Variants in SHANK2 observed in about 807,000 individuals in gnomAD.
SHANK2 encodes SH3 and multiple ankyrin repeat domains protein 2.
SHANK2 carries 43 observed loss-of-function variants against 133.7 expected under a neutral mutation model. That is an observed-to-expected ratio of 0.32 (90% CI 0.25 to 0.41). The LOEUF (loss-of-function observed/expected upper bound fraction) is 0.41, where lower values mean the gene tolerates loss of function less well. Among genes scored for constraint, SHANK2 ranks in the 10% least tolerant of loss-of-function variants. The pLI, the probability that SHANK2 is intolerant of heterozygous loss-of-function variation, is 1.00. For synonymous variants in SHANK2, 1,017 were observed against 952.8 expected (o/e 1.07, Z -1.24); for missense variants, 1,994 against 2,235.8 (o/e 0.89, Z 2.18).
intron 17 of SHANK2, among the ~76,000 whole-genome samples, chr11:70,630,515 G>T (rs1432688141): frequency 2.0e-5 from 3 of 152,224 alleles, no homozygotes; most frequent in Admixed American, 6.5e-5. Context: ...CTCAGAGTGT[G>T]ACCTTCTTTG....
intron 10 of SHANK2, among the ~76,000 whole-genome samples, chr11:70,904,527 TA>T (rs1420757816): frequency 8.6e-5 from 11 of 128,164 alleles, no homozygotes; most frequent in African/African-American, 2.1e-4. Context: ...TTTTTTTTTT[TA>T]ATGGAGTCTA....
chr11:70,530,645 A>T (rs1465521427), intron 17 of SHANK2, among the ~76,000 whole-genome samples: 1 of 152,180 alleles, frequency 6.6e-6, no homozygotes, highest in Non-Finnish European at 1.5e-5. Context: ...AAGGACTAAT[A>T]CTGTGTGATT....
At chr11:71,189,221 C>T (rs1392785182) in intron 2 of SHANK2, among the ~76,000 whole-genome samples, 3 of 152,240 alleles carry the variant, frequency 2.0e-5, no homozygotes, top group Admixed American at 6.5e-5. Flanking sequence ...GTGTGTGATT[C>T]CCCCAGGGGC....
intron 2 of SHANK2, among the ~76,000 whole-genome samples, chr11:71,199,892 G>A (rs1591013125): frequency 1.3e-5 from 2 of 152,178 alleles, no homozygotes; most frequent in South Asian, 2.1e-4. Context: ...ATCCCCTCTG[G>A]CAAAGAGAAT....
chr11:70,773,702 A>T (rs1389474611), intron 14 of SHANK2, among the ~76,000 whole-genome samples: 2 of 152,204 alleles, frequency 1.3e-5, no homozygotes, highest in African/African-American at 2.4e-5. Flanking sequence ...TGCACAAATA[A>T]CCAATAAACA....
intron 11 of SHANK2, among the ~76,000 whole-genome samples, chr11:70,852,474 T>C (rs1555065839): frequency 6.6e-6 from 1 of 152,008 alleles, no homozygotes; most frequent in African/African-American, 2.4e-5. Flanking sequence ...GGGCTGGCTG[T>C]CCATTTCCAG....
intron 16 of SHANK2, among the ~76,000 whole-genome samples, chr11:70,660,551 C>T (rs1379490791): frequency 6.6e-6 from 1 of 152,184 alleles, no homozygotes; most frequent in Non-Finnish European, 1.5e-5. Flanking sequence ...CCACTACTGC[C>T]CAGCACAGTG....
chr11:70,896,916 G>A (rs1949944493), intron 10 of SHANK2, among the ~76,000 whole-genome samples: 1 of 152,164 alleles, frequency 6.6e-6, no homozygotes, highest in African/African-American at 2.4e-5. Flanking sequence ...TACCCACGGG[G>A]CTTGATTGGT....
chr11:70,741,677 A>C (rs1003419206), intron 14 of SHANK2, among the ~76,000 whole-genome samples: 1 of 152,088 alleles, frequency 6.6e-6, no homozygotes, highest in Admixed American at 6.5e-5. Context: ...GCCTCACCAT[A>C]ACTTAAGTGG....
intron 12 of SHANK2, among the ~76,000 whole-genome samples, chr11:70,812,729 C>T (rs76416111): frequency 6.6e-6 from 1 of 152,196 alleles, no homozygotes; most frequent in African/African-American, 2.4e-5. Context: ...ACCCGGGCCA[C>T]GCTGGGGGTC....
chr11:70,649,305 G>T (rs1314721130), intron 17 of SHANK2, among the ~76,000 whole-genome samples: 2 of 152,152 alleles, frequency 1.3e-5, no homozygotes, highest in African/African-American at 4.8e-5. Flanking sequence ...AAGATCCTGG[G>T]GAGAGGGAAG....
intron 21 of SHANK2, among the ~76,000 whole-genome samples, chr11:70,499,530 C>T (rs1373386108): frequency 1.3e-5 from 2 of 152,238 alleles, no homozygotes; most frequent in Non-Finnish European, 2.9e-5. Context: ...GGGTCCCTGG[C>T]AGCCATGGTG....
intron 5 of SHANK2, among the ~76,000 whole-genome samples, chr11:71,110,766 CCTGGA>C (rs1555099040): frequency 1.3e-5 from 2 of 152,290 alleles, no homozygotes; most frequent in Non-Finnish European, 2.9e-5. Flanking sequence ...ATCGGCCTAT[CCTGGA>C]TGAATGTTTA....
rs1224444310 is a variant in SHANK2, at chr11:70,804,125, G to T, written c.1663+2877C>A. On this transcript the variant is annotated intron_variant, in intron 13 of 25. Transcript: ENST00000601538. This position sits in a 1 kb window ranked among gnomAD's most constrained non-coding sequence, Gnocchi z 4.1. ...GCAAAAAATGAGTTTGGTTTCTCTGGAAACCCTCCCAGACCTGCCCCTGCC... is the reference window on the plus strand; with the variant it reads ...GCAAAAAATGAGTTTGGTTTCTCTGTAAACCCTCCCAGACCTGCCCCTGCC... 1.3e-5 allele frequency among the ~76,000 whole-genome samples: 2 copies of T among 152,124 alleles called. No homozygotes were observed. Among genetic ancestry groups the T allele is most frequent in the Admixed American group, 6.5e-5 (1 of 15,282 alleles).
chr11:70,763,686 C>T (rs1193538300), intron 14 of SHANK2, among the ~76,000 whole-genome samples: 3 of 152,212 alleles, frequency 2.0e-5, no homozygotes, highest in Admixed American at 6.5e-5. Flanking sequence ...TATGGATGCC[C>T]GATGCATAAT....
intron 10 of SHANK2, among the ~76,000 whole-genome samples, chr11:70,949,923 T>C (rs1308119388): frequency 6.6e-6 from 1 of 152,194 alleles, no homozygotes; most frequent in Non-Finnish European, 1.5e-5. Context: ...GGCAGAAATC[T>C]ATGGCTCACA....
chr11:70,501,879 G>C, intron 20 of SHANK2, 44 bp downstream of exon 20: 2 of 1,553,542 alleles, frequency 1.3e-6, no homozygotes, highest in African/African-American at 1.4e-5. Context: ...GGGTGCCCTA[G>C]ACAGCAGGGG....
chr11:70,600,824 A>G lies in SHANK2; in HGVS notation c.2061+59004T>C, dbSNP rs539871832. Among the ~76,000 whole-genome samples, 12 of 152,344 alleles carry G rather than the reference A, an allele frequency of 7.9e-5. No individual in the cohort carries two copies. The South Asian group carries it at 2.3e-3, about 29-fold the overall frequency. ...TTCTTGGATTAAGGACTTACATATGAAAGACAAACTTTAAACTCCTGGAAA... is the reference window on the plus strand; with the variant it reads ...TTCTTGGATTAAGGACTTACATATGGAAGACAAACTTTAAACTCCTGGAAA... On this transcript the variant is annotated intron_variant, in intron 17 of 25. Transcript: ENST00000601538.
chr11:70,623,574 A>T (rs1258016249), intron 17 of SHANK2, among the ~76,000 whole-genome samples: 2 of 152,144 alleles, frequency 1.3e-5, no homozygotes, highest in African/African-American at 4.8e-5. Flanking sequence ...GAGAGAGGGG[A>T]CTGGAAATTC....
Sources: gnomAD v4.1 joint callset for allele counts (sites outside exome capture counted in the v4.1 genomes callset) on GRCh38, gnomAD v4.1.1 for gene constraint, Gnocchi (gnomAD v3.1) non-coding constraint, MANE v1.5 for transcripts, NCBI Gene and HGNC (gene_info 2026-07-23, HGNC 2026-07-21) for gene names.